ZW10: variants seen among roughly 807,000 people sequenced by gnomAD.
The protein encoded by ZW10 is zw10 kinetochore protein.
ZW10 carries 53 observed loss-of-function variants against 87.8 expected under a neutral mutation model. The ratio of observed to expected loss-of-function variants is 0.60; its 90% CI spans 0.48 to 0.76. The LOEUF is 0.76. Ranked by LOEUF, ZW10 falls within the 30% of genes least tolerant of loss-of-function variation. The pLI, the probability that ZW10 is intolerant of heterozygous loss-of-function variation, is 0.00. For missense variants in ZW10, 837 were observed against 923.0 expected (o/e 0.91, Z 1.21); for synonymous variants, 312 against 329.2 (o/e 0.95, Z 0.57).
At chr11:113,742,506 TGTTTGA>T (rs1276019766) in intron 10 of ZW10, among the ~76,000 whole-genome samples, 2 of 152,210 alleles carry the variant, frequency 1.3e-5, no homozygotes, top group Non-Finnish European at 2.9e-5. Context: ...CAGGAGCTGC[TGTTTGA>T]GTTTGATAAT....
At chr11:113,758,427 T>C in intron 6 of ZW10, 127 bp downstream of exon 6, 2 of 761,332 alleles carry the variant, frequency 2.6e-6, no homozygotes, top group Non-Finnish European at 3.8e-6. Context: ...CAATTCTCTT[T>C]GATGAATCAA....
chr11:113,738,140 A>C, intron 13 of ZW10, 124 bp downstream of exon 13: 2 of 1,087,202 alleles, frequency 1.8e-6, no homozygotes, highest in South Asian at 4.4e-5. Flanking sequence ...GATTTTCCAA[A>C]GGTGGGGGTG....
intron 11 of ZW10, among the ~76,000 whole-genome samples, chr11:113,740,508 C>T (rs1347649998): frequency 1.3e-5 from 2 of 152,034 alleles, no homozygotes; most frequent in African/African-American, 4.8e-5. Flanking sequence ...CACCTGAGCC[C>T]AGTAGGTCGA....
At chr11:113,761,271 T>C (rs918979256) in intron 2 of ZW10, among the ~76,000 whole-genome samples, 1 of 152,188 alleles carries the variant, frequency 6.6e-6, no homozygotes, top group Non-Finnish European at 1.5e-5. Flanking sequence ...CAGACACCTC[T>C]ATTAGGAATT....
chr11:113,743,194 T>A (rs1953641233), intron 10 of ZW10, among the ~76,000 whole-genome samples: 1 of 152,194 alleles, frequency 6.6e-6, no homozygotes, highest in South Asian at 2.1e-4. Flanking sequence ...TGAAGCCAGA[T>A]CTTTGGCATG....
chr11:113,752,664 ATGT>A (rs1261443839), intron 7 of ZW10, among the ~76,000 whole-genome samples: 2 of 152,184 alleles, frequency 1.3e-5, no homozygotes, highest in Admixed American at 6.5e-5. Context: ...AACTTAACAA[ATGT>A]TGTGTGTGTT....
chr11:113,746,352 G>A (rs1275426339), intron 9 of ZW10, among the ~76,000 whole-genome samples: 1 of 152,166 alleles, frequency 6.6e-6, no homozygotes, highest in Non-Finnish European at 1.5e-5. Flanking sequence ...CAGTAATGCT[G>A]TTTACATCAA....
At chr11:113,769,601 G>A (rs1953942730) in intron 1 of ZW10, 2 of 218,514 alleles carry the variant, frequency 9.2e-6, no homozygotes, top group Middle Eastern at 4.7e-4. Context: ...ATAAATTATG[G>A]GTCCTTCTCT....
intron 2 of ZW10, 89 bp downstream of exon 2, chr11:113,768,743 TA>T (rs1953931971): frequency 7.2e-7 from 1 of 1,385,186 alleles, no homozygotes; most frequent in Non-Finnish European, 9.8e-7. Context: ...AGTGAGGGTT[TA>T]AAAAGTTGTA....
At chr11:113,761,937 C>T (rs1367740192) in intron 2 of ZW10, among the ~76,000 whole-genome samples, 6 of 152,210 alleles carry the variant, frequency 3.9e-5, no homozygotes, top group Non-Finnish European at 8.8e-5. Context: ...CTCTATACCT[C>T]ACTGTGATCT....
chr11:113,760,412 C>T (rs768481719), intron 4 of ZW10, 44 bp from the exon 5 acceptor site: 99 of 1,608,242 alleles, frequency 6.2e-5, no homozygotes, highest in Non-Finnish European at 8.0e-5. Flanking sequence ...CATCTGGACT[C>T]AGGGCAATTA....
chr11:113,758,768 C>T (rs981363912), intron 5 of ZW10, 62 bp from the exon 6 acceptor site: 2 of 1,506,658 alleles, frequency 1.3e-6, no homozygotes, highest in African/African-American at 2.8e-5. Flanking sequence ...CACTTCTATT[C>T]CTCAGAGCTC....
chr11:113,749,687 C>T (rs951113307), intron 7 of ZW10, among the ~76,000 whole-genome samples: 25 of 152,146 alleles, frequency 1.6e-4, no homozygotes, highest in African/African-American at 5.8e-4. Flanking sequence ...CACGAGACCT[C>T]TCTGTAATTT....
At chr11:113,760,001 G>T (rs1189554586) in intron 5 of ZW10, among the ~76,000 whole-genome samples, 1 of 152,240 alleles carries the variant, frequency 6.6e-6, no homozygotes, top group African/African-American at 2.4e-5. Context: ...GGACAGCTAA[G>T]AGGGATGTAA....
Position 113,757,990 on chromosome 11 carries a change from G to T in ZW10, c.734-137C>A, listed in dbSNP as rs1209978256. On this transcript the variant is annotated intron_variant, in intron 6 of 15. Coordinates refer to ENST00000200135, the MANE Select transcript of ZW10 (RefSeq NM_004724.4). ...CATCTGAGGCCAGCCTGGCCAACAT[G>T]GTGAGATCCCGTCTCTACTGAAAAT... 6 of 586,172 alleles carry T rather than the reference G, an allele frequency of 1.0e-5. No individual in the cohort carries two copies. In the African/African-American group the frequency reaches 1.2e-4, roughly 11 times the overall value. 36.3% of individuals were successfully genotyped at this position (586,172 alleles called of 1,614,324 possible). A position where few individuals can be genotyped will look rare whatever the true frequency, so the allele number is the denominator to read the frequency against.
intron 1 of ZW10, among the ~76,000 whole-genome samples, chr11:113,769,248 TA>T (rs892352118): frequency 1.1e-3 from 160 of 140,106 alleles, no homozygotes; most frequent in Middle Eastern, 3.6e-3. Context: ...ATTAAAAAAT[TA>T]AAAAAAAAAA....
In ZW10 at chr11:113,756,609, C is replaced by A. The variant is rs538190638; in HGVS notation, c.925+1053G>T. Among the ~76,000 whole-genome samples, 68 of 152,106 alleles carry A rather than the reference C, an allele frequency of 4.5e-4. 1 individual carries two copies. Among genetic ancestry groups the A allele is most frequent in the Admixed American group, 4.5e-3 (68 of 15,260 alleles). The stretch of plus-strand genomic sequence containing the variant: ...TTTAAAAAACAAAACAAAACAAAAA[C>A]CTGCCTGGTACTCAGAACTGCCCAG... On this transcript the variant is annotated intron_variant, in intron 7 of 15. Coordinates refer to ENST00000200135, the MANE Select transcript of ZW10 (RefSeq NM_004724.4).
At chr11:113,744,540 C>T (rs1953660463) in intron 9 of ZW10, among the ~76,000 whole-genome samples, 1 of 152,046 alleles carries the variant, frequency 6.6e-6, no homozygotes, top group African/African-American at 2.4e-5. Context: ...TAGATGAAAG[C>T]ATGTCATAAG....
chr11:113,754,474 G>A (rs558701889), intron 7 of ZW10, among the ~76,000 whole-genome samples: 15 of 151,986 alleles, frequency 9.9e-5, no homozygotes, highest in African/African-American at 2.2e-4. Context: ...AACAGAGTGC[G>A]ACTCCATCTC....
Sources: gnomAD v4.1 joint callset for allele counts (sites outside exome capture counted in the v4.1 genomes callset) on GRCh38, gnomAD v4.1.1 for gene constraint, MANE v1.5 for transcripts, NCBI Gene and HGNC (gene_info 2026-07-23, HGNC 2026-07-21) for gene names.